The following FSTL4 variants were observed in gnomAD, a reference collection of about 807,000 sequenced individuals.
FSTL4 encodes follistatin like 4, also known as follistatin-related protein 4.
A neutral mutation model predicts 78.2 loss-of-function variants in FSTL4; 28 were observed. The observed-to-expected ratio is 0.36, with a 90% CI of 0.27 to 0.49. FSTL4 has a LOEUF of 0.49. Among genes scored for constraint, FSTL4 ranks in the 20% least tolerant of loss-of-function variants. The pLI is 0.98. For missense variants in FSTL4, 922 were observed against 1,084.9 expected, an observed-to-expected ratio of 0.85 and a Z score of 2.11; for synonymous variants, 422 against 440.5, an observed-to-expected ratio of 0.96 and a Z score of 0.53.
At chr5:133,355,611 G>T (rs1245809494) in intron 4 of FSTL4, among the ~76,000 whole-genome samples, 1 of 152,162 alleles carries the variant, frequency 6.6e-6, no homozygotes, top group Non-Finnish European at 1.5e-5. Flanking sequence ...AGTCGAGATC[G>T]TGCCACTGCA....
At chr5:133,788,543 C>A in the FSTL4 span, among the ~76,000 whole-genome samples, 2 of 152,234 alleles carry the variant, frequency 1.3e-5, no homozygotes, top group Non-Finnish European at 2.9e-5. Context: ...ACGAGCCCAG[C>A]CACACAGCAC....
At position 133,199,538 on chromosome 5, in the gene FSTL4, G is replaced by A; in HGVS notation, c.2086C>T (p.Pro696Ser). ...GCACTGACTATGAAGCGCCCGTCGG[G>A]GGATGTGTGTGGGGTGCCTGTTACA... is the stretch of plus-strand genomic sequence containing the variant. ...GDVTGTPHTS[P>S]DGRFIVSAAA... The change falls in exon 16 of 16, where the codon CCC becomes TCC. Residue 696 changes from proline to serine, a missense_variant. Pro to Ser is a moderately conservative substitution (Grantham distance 74). Coordinates refer to ENST00000265342, the MANE Select transcript of FSTL4 (RefSeq NM_015082.2). The surrounding 1 kb of genome is among the most constrained non-coding windows in gnomAD (Gnocchi z 4.4). 6.2e-7 allele frequency: 1 copy of A among 1,614,036 alleles called. No individual in the cohort carries two copies. The highest frequency in any genetic ancestry group is 8.5e-7 in the Non-Finnish European group (1 of 1,179,884).
At chr5:133,662,719 C>T in the FSTL4 span, among the ~76,000 whole-genome samples, 1 of 152,100 alleles carries the variant, frequency 6.6e-6, no homozygotes, top group South Asian at 2.1e-4. Context: ...CTGGGAGCTC[C>T]CCAGGGCTGT....
chr5:133,201,951 A>C lies in FSTL4; in HGVS notation c.1808T>G (p.Leu603Arg), dbSNP rs942197232. Residue 603 changes from leucine to arginine, a missense_variant, in exon 15 of 16, where the codon CTC (leucine) becomes CGC (arginine). Physicochemically the swap from Leu to Arg is moderately radical, Grantham distance 102 (BLOSUM62 -2). Transcript: ENST00000265342. ...GTCTCACCTGATGTGGTTGATGATG[A>C]GGTTTGTTGGGGGAATGAAGAAATC... is the stretch of plus-strand genomic sequence containing the variant. ...VDDFFIPPTN[L>R]IINHIRFGFI... The C allele has an allele frequency of 1.2e-6, 2 of 1,604,188 alleles. No individual in the cohort carries two copies. Among genetic ancestry groups the C allele is most frequent in the Admixed American group, 3.3e-5 (2 of 59,702 alleles).
At chr5:133,393,320 G>A (rs537175755) in intron 4 of FSTL4, among the ~76,000 whole-genome samples, 4 of 152,344 alleles carry the variant, frequency 2.6e-5, no homozygotes, top group African/African-American at 9.6e-5. Flanking sequence ...GGGTGGAGAT[G>A]TGTGGCGTTT....
At chr5:133,441,886 G>A (rs1270718127) in intron 3 of FSTL4, among the ~76,000 whole-genome samples, 1 of 152,182 alleles carries the variant, frequency 6.6e-6, no homozygotes, top group African/African-American at 2.4e-5. Context: ...GGGACAAGTG[G>A]ATGTTCACTG....
chr5:133,483,767 T>C (rs747575899), intron 3 of FSTL4, among the ~76,000 whole-genome samples: 7 of 152,298 alleles, frequency 4.6e-5, no homozygotes, highest in Middle Eastern at 3.4e-3. Flanking sequence ...GGGCAGAACA[T>C]GCTCAGCAGG....
chr5:133,582,726 C>A (rs763492733), intron 2 of FSTL4, among the ~76,000 whole-genome samples: 1 of 152,210 alleles, frequency 6.6e-6, no homozygotes, highest in Non-Finnish European at 1.5e-5. Flanking sequence ...TTTCTCTCAG[C>A]CTTTGGGGCT....
chr5:133,316,360 G>T, intron 5 of FSTL4, 99 bp downstream of exon 5: 1 of 856,812 alleles, frequency 1.2e-6, no homozygotes, highest in Non-Finnish European at 1.9e-6. Flanking sequence ...GATGTTCTCA[G>T]AGGTATTGAA....
chr5:133,229,373 A>G (rs1362375892), intron 8 of FSTL4, among the ~76,000 whole-genome samples: 8 of 152,098 alleles, frequency 5.3e-5, no homozygotes, highest in Non-Finnish European at 1.2e-4. Context: ...AATACAAAAA[A>G]TTAGCCAGAT....
chr5:133,583,177 T>G, intron 2 of FSTL4: 1 of 444,856 alleles, frequency 2.2e-6, no homozygotes, highest in South Asian at 1.6e-5. Context: ...ACATTCCCAC[T>G]GGGTTTCCTG....
chr5:133,444,489 T>C (rs1279404579), intron 3 of FSTL4, among the ~76,000 whole-genome samples: 1 of 152,224 alleles, frequency 6.6e-6, no homozygotes, highest in Non-Finnish European at 1.5e-5. Context: ...TTAACTCTGT[T>C]CCATGCAGGG....
chr5:133,334,756 C>T (rs1466235595), intron 4 of FSTL4, among the ~76,000 whole-genome samples: 1 of 152,120 alleles, frequency 6.6e-6, no homozygotes, highest in African/African-American at 2.4e-5. Flanking sequence ...GTGCGGGGCT[C>T]ACAGGAGAGG....
At chr5:133,460,634 C>T (rs1048608153) in intron 3 of FSTL4, among the ~76,000 whole-genome samples, 3 of 152,128 alleles carry the variant, frequency 2.0e-5, no homozygotes, top group East Asian at 1.9e-4. Context: ...TGGGGCCCAA[C>T]GCTACCTAGG....
chr5:133,228,376 T>C (rs927652609), intron 8 of FSTL4, among the ~76,000 whole-genome samples: 4 of 152,202 alleles, frequency 2.6e-5, no homozygotes, highest in Admixed American at 1.3e-4. Context: ...ATTTAAGGAA[T>C]GAATAATCCC....
chr5:133,473,495 G>A (rs1757867330), intron 3 of FSTL4, among the ~76,000 whole-genome samples: 1 of 152,212 alleles, frequency 6.6e-6, no homozygotes, highest in Admixed American at 6.5e-5. Flanking sequence ...CACATGCAGT[G>A]TGTGGTGAGG....
intron 3 of FSTL4, among the ~76,000 whole-genome samples, chr5:133,563,331 A>G (rs1321325663): frequency 6.6e-6 from 1 of 152,210 alleles, no homozygotes; most frequent in Non-Finnish European, 1.5e-5. Flanking sequence ...ATAAGGTACA[A>G]ACACCCTTGG....
intron 3 of FSTL4, among the ~76,000 whole-genome samples, chr5:133,530,076 T>C (rs1759219864): frequency 6.6e-6 from 1 of 152,226 alleles, no homozygotes; most frequent in African/African-American, 2.4e-5. Context: ...CAGCTAAAAC[T>C]GCTGTATTCT....
At chr5:133,738,779 T>G in the FSTL4 span, among the ~76,000 whole-genome samples, 1 of 151,630 alleles carries the variant, frequency 6.6e-6, no homozygotes. Context: ...GACCCCAGAG[T>G]TCTAAGCATT....
Sources: gnomAD v4.1 joint callset for allele counts (sites outside exome capture counted in the v4.1 genomes callset) on GRCh38, gnomAD v4.1.1 for gene constraint, Gnocchi (gnomAD v3.1) non-coding constraint, MANE v1.5 for transcripts, NCBI Gene and HGNC (gene_info 2026-07-23, HGNC 2026-07-21) for gene names.